NEDD4L: variants seen among roughly 807,000 people sequenced by gnomAD.
The protein encoded by NEDD4L is NEDD4 like E3 ubiquitin protein ligase.
A neutral mutation model predicts 148.9 loss-of-function variants in NEDD4L; 54 were observed. That is an observed-to-expected ratio of 0.36 (90% CI 0.29 to 0.45). The LOEUF is 0.45. Among genes scored for constraint, NEDD4L ranks in the 20% least tolerant of loss-of-function variants. NEDD4L has a pLI of 1.00. For synonymous variants in NEDD4L, 433 were observed against 440.7 expected (o/e 0.98, Z 0.22); for missense variants, 856 against 1,233.8 (o/e 0.69, Z 4.59).
chr18:58,092,380 G>T (rs1220106379), intron 1 of NEDD4L, among the ~76,000 whole-genome samples: 1 of 152,154 alleles, frequency 6.6e-6, no homozygotes, highest in Non-Finnish European at 1.5e-5. Context: ...AGGAAAGATT[G>T]CCCAGCAACT....
chr18:58,145,502 T>C (rs1395923406), intron 1 of NEDD4L, among the ~76,000 whole-genome samples: 1 of 152,136 alleles, frequency 6.6e-6, no homozygotes, highest in Admixed American at 6.5e-5. Context: ...ATTGTGAGGA[T>C]TGAATGAGAT....
chr18:58,123,962 T>C (rs1202198118), intron 1 of NEDD4L, among the ~76,000 whole-genome samples: 4 of 152,210 alleles, frequency 2.6e-5, no homozygotes, highest in Non-Finnish European at 5.9e-5. Context: ...TTCCGCATCC[T>C]TCCAAATAGC....
chr18:58,303,046 G>A (rs1387383486), intron 5 of NEDD4L, among the ~76,000 whole-genome samples: 3 of 152,230 alleles, frequency 2.0e-5, no homozygotes, highest in Admixed American at 6.5e-5. Flanking sequence ...GACACCTGCC[G>A]TCAGCACTGG....
intron 11 of NEDD4L, among the ~76,000 whole-genome samples, chr18:58,332,947 T>A (rs2041190325): frequency 6.6e-6 from 1 of 152,136 alleles, no homozygotes; most frequent in Non-Finnish European, 1.5e-5. Context: ...TCACTATTTT[T>A]AATCATTCCT....
At chr18:58,082,102 A>ATATATT in intron 1 of NEDD4L, among the ~76,000 whole-genome samples, 23 of 48,814 alleles carry the variant, frequency 4.7e-4, no homozygotes, top group East Asian at 6.1e-4. Flanking sequence ...ATATATATAT[A>ATATATT]TTTTTTTTTT....
rs1473025791 is a variant in NEDD4L at position 58,149,591 on chromosome 18, G to T, written c.49-16197G>T. The T allele has an allele frequency of 9.6e-6, 14 of 1,461,046 alleles. No homozygotes were observed. The African/African-American group carries it at 1.3e-4, about 13-fold the overall frequency. 90.5% of individuals were successfully genotyped at this position (1,461,046 alleles called of 1,614,324 possible). ...CTCGGTAAGACTTTGCTTGGTGGGG[G>T]AGGAGGTTTTACCTTCCTGTGGCAT... On this transcript the variant is annotated intron_variant, in intron 1 of 30. Transcript: ENST00000400345.
Position 58,124,395 on chromosome 18 carries a change from G to A in NEDD4L, c.49-41393G>A, listed in dbSNP as rs544416787. Among the ~76,000 whole-genome samples the A allele has an allele frequency of 5.3e-5, 8 of 152,250 alleles. No individual in the cohort carries two copies. In the South Asian group the frequency reaches 8.3e-4, roughly 16 times the overall value. ...TTGTCTGTTCCTCCCCGGCCTCCTC[G>A]ATGGCTCCTCCTTGGTCTCCCTCTG... On this transcript the variant is annotated intron_variant, in intron 1 of 30. Transcript: ENST00000400345.
At chr18:58,241,190 G>A (rs1297465583) in intron 2 of NEDD4L, among the ~76,000 whole-genome samples, 2 of 152,138 alleles carry the variant, frequency 1.3e-5, no homozygotes, top group Non-Finnish European at 2.9e-5. Context: ...TTTTTATAAG[G>A]GAAGTGCTAC....
At chr18:58,350,135 C>T (rs2043685487) in intron 17 of NEDD4L, among the ~76,000 whole-genome samples, 1 of 152,170 alleles carries the variant, frequency 6.6e-6, no homozygotes, top group South Asian at 2.1e-4. Flanking sequence ...GAAACCTTCA[C>T]ATACATCCTC....
intron 5 of NEDD4L, among the ~76,000 whole-genome samples, chr18:58,309,119 G>A (rs1296627251): frequency 6.6e-6 from 1 of 152,150 alleles, no homozygotes; most frequent in Non-Finnish European, 1.5e-5. Flanking sequence ...ACTTGCCCTG[G>A]GAGACTGTCG....
intron 1 of NEDD4L, among the ~76,000 whole-genome samples, chr18:58,155,647 C>T (rs1009565346): frequency 1.3e-5 from 2 of 152,164 alleles, no homozygotes; most frequent in Non-Finnish European, 2.9e-5. Flanking sequence ...AGGCCGGTGG[C>T]ATGTTTGTCT....
At chr18:58,063,949 C>CTTTTTTTTTTTTTTTTT (rs58608106) in intron 1 of NEDD4L, among the ~76,000 whole-genome samples, 1 of 129,830 alleles carries the variant, frequency 7.7e-6, no homozygotes, top group Non-Finnish European at 1.6e-5. Flanking sequence ...TATAATGTTT[C>CTTTTTTTTTTTTTTTTT]TTTTTTTTTT....
rs187680557 is a variant in NEDD4L at position 58,134,190 on chromosome 18, G to A, written c.49-31598G>A. ...TATTTTTTGTATTTTTAGTAGAGAC[G>A]GGGTTTCACCATGTTGGCCAGGCTG... is the stretch of plus-strand genomic sequence containing the variant. On this transcript the variant is annotated intron_variant, in intron 1 of 30. Transcript: ENST00000400345. Among the ~76,000 whole-genome samples, 1,483 of 151,562 alleles carry A rather than the reference G, an allele frequency of 9.8e-3. 21 individuals carry two copies. Among genetic ancestry groups the A allele is most frequent in the African/African-American group, 0.034 (1,402 of 41,208 alleles).
chr18:58,243,774 T>C (rs527367573), intron 2 of NEDD4L, among the ~76,000 whole-genome samples: 1 of 152,092 alleles, frequency 6.6e-6, no homozygotes, highest in East Asian at 1.9e-4. Flanking sequence ...TTTAACCAAA[T>C]AAAGGTTTAC....
At chr18:58,112,432 G>T (rs1363837253) in intron 1 of NEDD4L, among the ~76,000 whole-genome samples, 1 of 149,812 alleles carries the variant, frequency 6.7e-6, no homozygotes, top group African/African-American at 2.5e-5. Flanking sequence ...CAGTTTGGTC[G>T]GTAAACTATC....
intron 1 of NEDD4L, among the ~76,000 whole-genome samples, chr18:58,136,113 T>G (rs2146046645): frequency 6.6e-6 from 1 of 152,246 alleles, no homozygotes; most frequent in Middle Eastern, 3.4e-3. Flanking sequence ...ATAATTAAGA[T>G]AACAACTCAC....
At chr18:58,133,957 T>C (rs1208907001) in intron 1 of NEDD4L, among the ~76,000 whole-genome samples, 1 of 151,970 alleles carries the variant, frequency 6.6e-6, no homozygotes, top group African/African-American at 2.4e-5. Context: ...GGGATGAGAG[T>C]GTGAGGTATG....
intron 5 of NEDD4L, among the ~76,000 whole-genome samples, chr18:58,296,307 C>T (rs2055562172): frequency 6.6e-6 from 1 of 152,190 alleles, no homozygotes; most frequent in South Asian, 2.1e-4. Flanking sequence ...GTCTTTTCTT[C>T]CTAAAGCAGG....
intron 1 of NEDD4L, among the ~76,000 whole-genome samples, chr18:58,098,718 A>C (rs1046579845): frequency 7.9e-5 from 12 of 152,038 alleles, no homozygotes; most frequent in Non-Finnish European, 1.6e-4. Context: ...AGCCCCCCAG[A>C]AGGAATTGGT....
Sources: allele counts gnomAD v4.1 joint callset (sites outside exome capture counted in the v4.1 genomes callset), GRCh38; gene constraint gnomAD v4.1.1; transcripts MANE v1.5; gene names NCBI Gene and HGNC (gene_info 2026-07-23, HGNC 2026-07-21).